MYO7A: variants seen among roughly 807,000 people sequenced by gnomAD.
The protein encoded by MYO7A is myosin VIIA, also known as unconventional myosin-VIIa.
A neutral mutation model predicts 263.8 loss-of-function variants in MYO7A; 210 were observed. The ratio of observed to expected loss-of-function variants is 0.80; its 90% CI spans 0.71 to 0.89. The LOEUF is 0.89. Ranked by LOEUF, MYO7A falls within the 40% of genes least tolerant of loss-of-function variation. MYO7A has a pLI of 0.00. For missense variants in MYO7A, 2,820 were observed against 2,968.3 expected, an observed-to-expected ratio of 0.95 and a Z score of 1.16; for synonymous variants, 1,239 against 1,197.3, an observed-to-expected ratio of 1.03 and a Z score of -0.72.
At chr11:77,189,886 G>A in intron 28 of MYO7A, 134 bp from the exon 29 acceptor site, 1 of 1,369,276 alleles carries the variant, frequency 7.3e-7, no homozygotes, top group East Asian at 2.6e-5. Context: ...TGGTGGAGCT[G>A]AGAGGGTAGG....
Position 77,203,067 on chromosome 11 carries a change from C to T in MYO7A, c.5176C>T (p.Pro1726Ser). The T allele has an allele frequency of 2.6e-6, 4 of 1,547,978 alleles. No homozygotes were observed. Among genetic ancestry groups the T allele is most frequent in the East Asian group, 2.4e-5 (1 of 40,902 alleles). ...GTCCCTGTGCTGCGGCAGGCCCCCACCCAAGCACACGCTGAGCCGTGTCAT... is the reference window on the plus strand; with the variant it reads ...GTCCCTGTGCTGCGGCAGGCCCCCATCCAAGCACACGCTGAGCCGTGTCAT... The part of the protein sequence containing the change: ...EFSYDYFRPP[P>S]KHTLSRVMVS... The change falls in exon 38 of 49, where the codon CCC becomes TCC. Residue 1726 changes from proline (P) to serine (S), a missense_variant. Transcript: ENST00000409709.
intron 4 of MYO7A, among the ~76,000 whole-genome samples, chr11:77,155,541 G>A (rs79579240): frequency 0.036 from 5,472 of 152,346 alleles, 131 homozygotes; most frequent in Middle Eastern, 0.068. Flanking sequence ...GGAGGCGATG[G>A]TGGGAGACAG....
At position 77,170,902 on chromosome 11, in the gene MYO7A, G is replaced by A. The variant is rs1954028050; in HGVS notation, c.1798-1846G>A. Among the ~76,000 whole-genome samples, 3 of 152,316 alleles carry A rather than the reference G, an allele frequency of 2.0e-5. 1 individual carries two copies. The Middle Eastern group carries it at 0.01, about 518-fold the overall frequency. On this transcript the variant is annotated intron_variant, in intron 15 of 48. Transcript: ENST00000409709. ...TGCGGATATATTAGATGTGACAGAA[G>A]AGGCACTGAGGACAGTTGCTAGATG...
rs371849195 is a variant in MYO7A, at chr11:77,142,744, G to C, written c.54G>C (p.Gln18His). The change falls in exon 3 of 49, where the codon CAG becomes CAC. Residue 18 changes from glutamine to histidine, a missense_variant. Gln to His is a conservative substitution (Grantham distance 24, BLOSUM62 0). Transcript: ENST00000409709. Reference protein sequence around the residue: ...DHVWMDLRLGQEFDVPIGAVV... With the variant: ...DHVWMDLRLGHEFDVPIGAVV... ...TGTGGATGGACCTGAGATTGGGGCA[G>C]GAGTTCGACGTGCCCATCGGGGCGG... 33 of 1,611,820 alleles carry C rather than the reference G, an allele frequency of 2.0e-5. No homozygotes were observed. The highest frequency in any genetic ancestry group is 2.5e-5 in the Non-Finnish European group (30 of 1,179,180).
chr11:77,139,624 T>C (rs1951087738), intron 2 of MYO7A: 1 of 152,140 alleles, frequency 6.6e-6, no homozygotes, highest in Admixed American at 6.5e-5. Context: ...GGAGCCTGGT[T>C]CCCCATTCTC....
At chr11:77,210,595 G>T (rs1281314618) in intron 44 of MYO7A, among the ~76,000 whole-genome samples, 1 of 152,150 alleles carries the variant, frequency 6.6e-6, no homozygotes, top group Non-Finnish European at 1.5e-5. Flanking sequence ...TGACCATAAG[G>T]CTCTAGGAGT....
At chr11:77,135,324 T>C (rs1039772474) in intron 2 of MYO7A, among the ~76,000 whole-genome samples, 2 of 152,232 alleles carry the variant, frequency 1.3e-5, no homozygotes, top group African/African-American at 4.8e-5. Context: ...CTATTTGTCT[T>C]TTTGTGATGG....
intron 15 of MYO7A, among the ~76,000 whole-genome samples, chr11:77,166,777 T>G (rs1953589616): frequency 1.3e-5 from 2 of 152,206 alleles, no homozygotes; most frequent in Admixed American, 6.5e-5. Context: ...GGCTGTCCCC[T>G]GCCCTCAGGA....
At chr11:77,211,492 C>T (rs940064400) in intron 45 of MYO7A, among the ~76,000 whole-genome samples, 155 bp downstream of exon 45, 1 of 152,192 alleles carries the variant, frequency 6.6e-6, no homozygotes, top group Admixed American at 6.5e-5. Context: ...CCTCCACCTG[C>T]CTTATCCTTC....
chr11:77,128,857 T>C (rs1413735286), intron 1 of MYO7A, among the ~76,000 whole-genome samples: 1 of 152,200 alleles, frequency 6.6e-6, no homozygotes, highest in African/African-American at 2.4e-5. Flanking sequence ...ATCTCCGTTT[T>C]TGGATAAGTC....
rs7126980 is a variant in MYO7A at position 77,190,909 on chromosome 11, C to A, written c.3924+39C>A. On this transcript the variant is annotated intron_variant, in intron 30 of 48. Coordinates refer to ENST00000409709, the MANE Select transcript of MYO7A (RefSeq NM_000260.4). Reference sequence around the variant, plus strand: ...GAAGCACCTCCTCCCGGAAGCACCTCCTCCCGGCCCCACTCCGGGCTGCCA... The same window carrying A: ...GAAGCACCTCCTCCCGGAAGCACCTACTCCCGGCCCCACTCCGGGCTGCCA... 4,671 of 1,510,558 alleles carry A rather than the reference C, an allele frequency of 3.1e-3. 122 individuals are homozygous for A. The African/African-American group carries it at 0.058, about 19-fold the overall frequency. 93.6% of individuals were successfully genotyped at this position (1,510,558 alleles called of 1,614,324 possible). A position where few individuals can be genotyped will look rare whatever the true frequency, so the allele number is the denominator to read the frequency against.
chr11:77,183,266 A>G, intron 26 of MYO7A, 109 bp downstream of exon 26: 2 of 932,744 alleles, frequency 2.1e-6, no homozygotes, highest in Non-Finnish European at 3.4e-6. Context: ...AGGAGTGGAC[A>G]CTGTCTGTCC....
chr11:77,212,206 C>A (rs1335007266), intron 46 of MYO7A: 2 of 582,116 alleles, frequency 3.4e-6, no homozygotes, highest in African/African-American at 1.8e-5. Flanking sequence ...TGTTCTGACA[C>A]TGGGGAGCCC....
At chr11:77,174,087 T>A (rs1458284107) in intron 16 of MYO7A, among the ~76,000 whole-genome samples, 2 of 152,026 alleles carry the variant, frequency 1.3e-5, no homozygotes, top group African/African-American at 4.8e-5. Flanking sequence ...AGTCTCTCCC[T>A]GCTCTAAAAC....
At chr11:77,198,464 C>T in intron 33 of MYO7A, 31 bp from the exon 34 acceptor site, 2 of 1,608,468 alleles carry the variant, frequency 1.2e-6, no homozygotes, top group Non-Finnish European at 1.7e-6. Context: ...GTGTGGGAGG[C>T]CTGCCTCTCA....
At chr11:77,166,810 C>T (rs1404281851) in intron 15 of MYO7A, among the ~76,000 whole-genome samples, 3 of 152,240 alleles carry the variant, frequency 2.0e-5, no homozygotes, top group African/African-American at 4.8e-5. Context: ...CACAGAGCTT[C>T]CAGGACCCCA....
Position 77,147,656 on chromosome 11 carries a change from C to G in MYO7A, c.133-142C>G, listed in dbSNP as rs912588270. Reference sequence around the variant, plus strand: ...CCATCCTGACTGAACCCTGTTAGAACTGACAGTGTCTGGCTGCCAGAGAGG... The same window carrying G: ...CCATCCTGACTGAACCCTGTTAGAAGTGACAGTGTCTGGCTGCCAGAGAGG... On this transcript the variant is annotated intron_variant, in intron 3 of 48. Coordinates refer to ENST00000409709, the MANE Select transcript of MYO7A (RefSeq NM_000260.4). 1.2e-5 allele frequency: 13 copies of G among 1,050,430 alleles called. No individual in the cohort carries two copies. In the Admixed American group the frequency reaches 2.3e-4, roughly 18 times the overall value. The allele number at this position is 1,050,430 out of a possible 1,614,324, so 65.1% of individuals were successfully genotyped here. A position where few individuals can be genotyped will look rare whatever the true frequency, so the allele number is the denominator to read the frequency against.
chr11:77,156,511 C>G (rs1385694753), intron 5 of MYO7A, 149 bp from the exon 6 acceptor site: 4 of 1,125,114 alleles, frequency 3.6e-6, no homozygotes, highest in African/African-American at 3.1e-5. Context: ...GCACTGGGCC[C>G]TTGAGCCCTG....
chr11:77,201,941 T>G (rs908909414), intron 36 of MYO7A, among the ~76,000 whole-genome samples: 5 of 151,980 alleles, frequency 3.3e-5, no homozygotes, highest in African/African-American at 9.7e-5. Context: ...GGGCCCTGCT[T>G]CTTCTGGAGC....
Sources: allele counts gnomAD v4.1 joint callset (sites outside exome capture counted in the v4.1 genomes callset), GRCh38; gene constraint gnomAD v4.1.1; transcripts MANE v1.5; gene names NCBI Gene and HGNC (gene_info 2026-07-23, HGNC 2026-07-21).